The following COL15A1 variants were observed in gnomAD, a reference collection of about 807,000 sequenced individuals.
COL15A1 encodes the protein collagen type XV alpha 1 chain, also known as collagen alpha-1(XV) chain.
In COL15A1, 111 loss-of-function variants were observed where a neutral mutation model predicts 165.9. That is an observed-to-expected ratio of 0.67 (90% CI 0.57 to 0.78). COL15A1 has a LOEUF of 0.78. Among genes scored for constraint, COL15A1 ranks in the 30% least tolerant of loss-of-function variants. The pLI is 0.00. For synonymous variants in COL15A1, 659 were observed against 674.8 expected (o/e 0.98, Z 0.36); for missense variants, 1,745 against 1,789.7 (o/e 0.98, Z 0.45).
intron 22 of COL15A1, among the ~76,000 whole-genome samples, chr9:99,040,122 CA>C (rs1403776396): frequency 2.0e-5 from 3 of 152,208 alleles, no homozygotes; most frequent in African/African-American, 7.2e-5. Context: ...AACCCTAGAG[CA>C]AACCAGCTAA....
chr9:98,976,205 AG>A, intron 2 of COL15A1, among the ~76,000 whole-genome samples: 1 of 152,228 alleles, frequency 6.6e-6, no homozygotes, highest in Non-Finnish European at 1.5e-5. Flanking sequence ...GAATTGGAAA[AG>A]TAAGTTGAAA....
intron 21 of COL15A1, 62 bp from the exon 22 acceptor site, chr9:99,038,606 C>T: frequency 1.9e-6 from 2 of 1,042,316 alleles, no homozygotes. Context: ...AGCTTTGCTG[C>T]CAGGAACAAG....
intron 23 of COL15A1, 81 bp downstream of exon 23, chr9:99,040,637 T>G (rs1839385933): frequency 1.9e-6 from 3 of 1,612,372 alleles, no homozygotes; most frequent in Non-Finnish European, 2.5e-6. Flanking sequence ...TGGCATTTCC[T>G]CCATCTATGC....
intron 14 of COL15A1, among the ~76,000 whole-genome samples, chr9:99,023,711 T>C (rs1395514443): frequency 1.3e-5 from 2 of 152,220 alleles, no homozygotes; most frequent in Non-Finnish European, 2.9e-5. Context: ...TTCCTTTCCC[T>C]GGTGGGCTTC....
At chr9:98,947,017 C>T (rs567001996) in intron 2 of COL15A1, among the ~76,000 whole-genome samples, 2 of 152,286 alleles carry the variant, frequency 1.3e-5, no homozygotes, top group African/African-American at 4.8e-5. Flanking sequence ...TATATACTTA[C>T]CCTACAATCT....
intron 2 of COL15A1, among the ~76,000 whole-genome samples, chr9:98,971,325 C>G (rs1448619027): frequency 6.6e-6 from 1 of 152,190 alleles, no homozygotes; most frequent in Non-Finnish European, 1.5e-5. Context: ...GTGTTTTCCT[C>G]CCAGAGCCCT....
chr9:99,034,733 A>G, intron 17 of COL15A1, 149 bp downstream of exon 17: 1 of 1,407,594 alleles, frequency 7.1e-7, no homozygotes, highest in Middle Eastern at 2.6e-4. Context: ...GGAATTGCTC[A>G]GAGAAGGCAG....
intron 5 of COL15A1, among the ~76,000 whole-genome samples, chr9:98,994,676 G>C (rs1838513298): frequency 6.6e-6 from 1 of 152,126 alleles, no homozygotes; most frequent in Non-Finnish European, 1.5e-5. Flanking sequence ...AGGGCCTCTG[G>C]AAATATGTGC....
At chr9:98,960,088 G>A (rs1837842348) in intron 2 of COL15A1, among the ~76,000 whole-genome samples, 1 of 152,160 alleles carries the variant, frequency 6.6e-6, no homozygotes, top group Non-Finnish European at 1.5e-5. Context: ...CCAGCAGCAT[G>A]GGCATCATCC....
chr9:98,962,632 G>A (rs1046336329), intron 2 of COL15A1, among the ~76,000 whole-genome samples: 1 of 152,212 alleles, frequency 6.6e-6, no homozygotes, highest in African/African-American at 2.4e-5. Context: ...GCTAGACTCA[G>A]GCCCTCAGGT....
intron 7 of COL15A1, 61 bp downstream of exon 7, chr9:99,001,012 C>CT (rs3831245): frequency 0.18 from 146,924 of 819,692 alleles, 14,915 homozygotes; most frequent in Admixed American, 0.29. Flanking sequence ...TTATTTCAAA[C>CT]TTGGTGATGA....
chr9:98,964,164 G>A (rs369230408), intron 2 of COL15A1, among the ~76,000 whole-genome samples: 61 of 152,240 alleles, frequency 4.0e-4, no homozygotes, highest in Non-Finnish European at 8.4e-4. Flanking sequence ...CATTCTGGGG[G>A]AGGCTGGTCC....
intron 35 of COL15A1, among the ~76,000 whole-genome samples, chr9:99,058,032 G>A (rs1376542311): frequency 2.0e-5 from 3 of 152,190 alleles, no homozygotes; most frequent in African/African-American, 7.2e-5. Flanking sequence ...CTCAGGAACA[G>A]CCAGAGCCAG....
intron 9 of COL15A1, among the ~76,000 whole-genome samples, chr9:99,007,288 T>C (rs1838778677): frequency 6.6e-6 from 1 of 152,224 alleles, no homozygotes; most frequent in Non-Finnish European, 1.5e-5. Context: ...GTACCTTTCT[T>C]ATCTTAGTAG....
At chr9:99,008,533 A>G (rs1838799114) in intron 9 of COL15A1, among the ~76,000 whole-genome samples, 1 of 152,242 alleles carries the variant, frequency 6.6e-6, no homozygotes, top group Admixed American at 6.5e-5. Context: ...GTAAGTTAAG[A>G]ATACTCACAA....
intron 11 of COL15A1, among the ~76,000 whole-genome samples, chr9:99,019,886 T>C (rs1017106931): frequency 6.6e-6 from 1 of 151,972 alleles, no homozygotes; most frequent in African/African-American, 2.4e-5. Flanking sequence ...CCAGTAGGAG[T>C]GAGAGCCTTT....
intron 5 of COL15A1, among the ~76,000 whole-genome samples, chr9:98,990,761 A>C (rs1252926413): frequency 6.6e-6 from 1 of 152,208 alleles, no homozygotes; most frequent in Non-Finnish European, 1.5e-5. Flanking sequence ...GAGGGGAAGG[A>C]AGAGAACTGG....
chr9:99,040,933 T>C (rs1442786341), intron 23 of COL15A1: 3 of 219,998 alleles, frequency 1.4e-5, no homozygotes, highest in African/African-American at 6.8e-5. Context: ...ACCACGATTG[T>C]GACCATGACT....
At chr9:99,066,376 C>T (rs1469582386) in intron 39 of COL15A1, among the ~76,000 whole-genome samples, 1 of 152,150 alleles carries the variant, frequency 6.6e-6, no homozygotes, top group Non-Finnish European at 1.5e-5. Context: ...ACCCTTCTTT[C>T]GATGGCTTTC....
Sources: gnomAD v4.1 joint callset for allele counts (sites outside exome capture counted in the v4.1 genomes callset) on GRCh38, gnomAD v4.1.1 for gene constraint, MANE v1.5 for transcripts, NCBI Gene and HGNC (gene_info 2026-07-23, HGNC 2026-07-21) for gene names.